The following MSRA variants were observed in gnomAD, a reference collection of about 807,000 sequenced individuals.
The protein encoded by MSRA is methionine sulfoxide reductase A.
Under a neutral mutation model 31.3 loss-of-function variants are expected in MSRA, and 54 were observed. That is an observed-to-expected ratio of 1.73 (90% CI 1.39 to 2.17). The LOEUF is 2.17. Among genes scored for constraint, MSRA ranks in the 30% most tolerant of loss-of-function variants. The pLI, the probability that MSRA is intolerant of heterozygous loss-of-function variation, is 0.00. For missense variants in MSRA, 507 were observed against 300.9 expected, an observed-to-expected ratio of 1.69 and a Z score of -5.07; for synonymous variants, 169 against 116.5, an observed-to-expected ratio of 1.45 and a Z score of -2.90.
chr8:10,219,123 C>G (rs972205645), intron 2 of MSRA, among the ~76,000 whole-genome samples: 3 of 152,220 alleles, frequency 2.0e-5, no homozygotes, highest in Non-Finnish European at 4.4e-5. Flanking sequence ...GCAATGCCTT[C>G]AAACTGTTGA....
chr8:10,355,841 T>G (rs896970707), intron 5 of MSRA, among the ~76,000 whole-genome samples: 1 of 152,128 alleles, frequency 6.6e-6, no homozygotes, highest in African/African-American at 2.4e-5. Flanking sequence ...GAGTGGAGAC[T>G]TGGAGATTCC....
At chr8:10,322,941 T>G (rs1802133272) in intron 5 of MSRA, among the ~76,000 whole-genome samples, 2 of 151,854 alleles carry the variant, frequency 1.3e-5, no homozygotes, top group Non-Finnish European at 1.5e-5. Context: ...AATACAAAAA[T>G]TAGCCAGGCG....
intron 3 of MSRA, among the ~76,000 whole-genome samples, chr8:10,261,730 A>G (rs1377668536): frequency 2.0e-5 from 3 of 152,194 alleles, no homozygotes; most frequent in African/African-American, 4.8e-5. Flanking sequence ...ACTAAAGTCC[A>G]TAGTTTACAT....
chr8:10,228,186 A>G (rs1165586716), intron 2 of MSRA, among the ~76,000 whole-genome samples: 1 of 152,012 alleles, frequency 6.6e-6, no homozygotes, highest in Non-Finnish European at 1.5e-5. Flanking sequence ...CCTATGTTCC[A>G]CCTTCTGATC....
intron 3 of MSRA, among the ~76,000 whole-genome samples, chr8:10,262,485 A>G (rs183422748): frequency 3.2e-4 from 49 of 152,038 alleles, no homozygotes; most frequent in African/African-American, 1.1e-3. Context: ...GATGTGGAGT[A>G]TGTTTTCTTA....
chr8:10,159,558 C>A (rs547843842), intron 1 of MSRA, among the ~76,000 whole-genome samples: 1 of 152,290 alleles, frequency 6.6e-6, no homozygotes, highest in South Asian at 2.1e-4. Flanking sequence ...ATATGGAATA[C>A]AGTTAAAGAA....
intron 5 of MSRA, among the ~76,000 whole-genome samples, chr8:10,420,075 T>C (rs910613874): frequency 2.0e-5 from 3 of 152,146 alleles, no homozygotes; most frequent in African/African-American, 4.8e-5. Context: ...AAATATGGCA[T>C]GTACGTAGAG....
intron 3 of MSRA, among the ~76,000 whole-genome samples, chr8:10,282,051 C>T (rs539857560): frequency 5.3e-5 from 8 of 152,272 alleles, no homozygotes; most frequent in East Asian, 1.9e-4. Flanking sequence ...ACTCTCCCCC[C>T]ACGTACAATA....
At chr8:10,334,634 CA>C (rs1399636170) in intron 5 of MSRA, among the ~76,000 whole-genome samples, 1 of 152,208 alleles carries the variant, frequency 6.6e-6, no homozygotes, top group Admixed American at 6.5e-5. Context: ...AGGCAATGTT[CA>C]TTTAACGCTT....
At chr8:10,139,393 C>T (rs886566635) in intron 1 of MSRA, among the ~76,000 whole-genome samples, 2 of 151,988 alleles carry the variant, frequency 1.3e-5, no homozygotes, top group Non-Finnish European at 2.9e-5. Flanking sequence ...ATACTAAATT[C>T]GGGGGCGGGG....
chr8:10,424,299 A>G (rs903298176), intron 5 of MSRA, among the ~76,000 whole-genome samples: 36 of 152,306 alleles, frequency 2.4e-4, no homozygotes, highest in African/African-American at 8.4e-4. Flanking sequence ...AAAAGGTAGA[A>G]GATGGTGAGG....
intron 5 of MSRA, among the ~76,000 whole-genome samples, chr8:10,332,364 T>A (rs1249577153): frequency 6.6e-6 from 1 of 152,216 alleles, no homozygotes; most frequent in Non-Finnish European, 1.5e-5. Context: ...TTATCTGTGC[T>A]TTTGTTTAAA....
chr8:10,255,248 C>G (rs372562841), intron 3 of MSRA, among the ~76,000 whole-genome samples: 16 of 152,342 alleles, frequency 1.1e-4, no homozygotes, highest in East Asian at 3.9e-4. Flanking sequence ...CAAGGCTGCA[C>G]TTTGCATGCT....
At chr8:10,260,088 C>A (rs1798393562) in intron 3 of MSRA, among the ~76,000 whole-genome samples, 1 of 152,222 alleles carries the variant, frequency 6.6e-6, no homozygotes, top group Non-Finnish European at 1.5e-5. Context: ...GACATAAACA[C>A]TGCAAGACAA....
At chr8:10,301,961 A>G (rs913577092) in intron 4 of MSRA, among the ~76,000 whole-genome samples, 5 of 152,224 alleles carry the variant, frequency 3.3e-5, no homozygotes, top group African/African-American at 1.2e-4. Context: ...TGTCTACAAA[A>G]TTAAAGTGTC....
chr8:10,248,067 G>C (rs1797717817), intron 3 of MSRA, among the ~76,000 whole-genome samples: 1 of 152,134 alleles, frequency 6.6e-6, no homozygotes, highest in African/African-American at 2.4e-5. Flanking sequence ...GGAGTGGTCT[G>C]ACTTAAGAGA....
intron 3 of MSRA, among the ~76,000 whole-genome samples, chr8:10,298,379 C>A (rs1056138925): frequency 6.6e-6 from 1 of 151,980 alleles, no homozygotes; most frequent in East Asian, 1.9e-4. Flanking sequence ...CACAAAAAGA[C>A]AAATAGTGGA....
chr8:10,291,528 A>G (rs1487510966), intron 3 of MSRA, among the ~76,000 whole-genome samples: 1 of 152,136 alleles, frequency 6.6e-6, no homozygotes, highest in African/African-American at 2.4e-5. Context: ...TATAATGAGT[A>G]CATTGTTGGA....
chr8:10,342,263 T>C (rs1803475409), intron 5 of MSRA, among the ~76,000 whole-genome samples: 1 of 152,236 alleles, frequency 6.6e-6, no homozygotes, highest in African/African-American at 2.4e-5. Flanking sequence ...CCAAAAATTA[T>C]TGAGGACCCC....
Sources: gnomAD v4.1 joint callset for allele counts (sites outside exome capture counted in the v4.1 genomes callset) on GRCh38, gnomAD v4.1.1 for gene constraint, MANE v1.5 for transcripts, NCBI Gene and HGNC (gene_info 2026-07-23, HGNC 2026-07-21) for gene names.